Variants in SBF2 observed in about 807,000 individuals in gnomAD.
SBF2 encodes the protein SET binding factor 2.
In SBF2, 112 loss-of-function variants were observed where a neutral mutation model predicts 225.2. That is an observed-to-expected ratio of 0.50 (90% confidence interval 0.43 to 0.58). The LOEUF (loss-of-function observed/expected upper bound fraction) is 0.58, where lower values mean the gene tolerates loss of function less well. SBF2 is among the 20% of genes least tolerant of loss of function. The probability of loss-of-function intolerance (pLI) is 0.00; values close to 1 mark genes in which losing one functional copy is unlikely to be tolerated. For synonymous variants in SBF2, 763 were observed against 773.3 expected (o/e 0.99, Z 0.22); for missense variants, 1,996 against 2,206.2 (o/e 0.90, Z 1.91).
At chr11:9,989,452 A>G (rs1421612772) in intron 13 of SBF2, 45 bp downstream of exon 13, 1 of 1,233,026 alleles carries the variant, frequency 8.1e-7, no homozygotes, top group Admixed American at 1.8e-5. Flanking sequence ...AAAAATAAAT[A>G]AATAAATAAA....
At chr11:10,005,907 TGCTGATGTACGGTA>T (rs1367973543) in intron 6 of SBF2, among the ~76,000 whole-genome samples, 3 of 152,156 alleles carry the variant, frequency 2.0e-5, no homozygotes, top group African/African-American at 7.2e-5. Flanking sequence ...TCTCAGCTCC[TGCTGATGTACGGTA>T]GCTCACAGGG....
At chr11:9,805,692 A>G (rs533562273) in intron 32 of SBF2, among the ~76,000 whole-genome samples, 4 of 151,832 alleles carry the variant, frequency 2.6e-5, no homozygotes, top group Admixed American at 2.0e-4. Context: ...GGGGCTTCTC[A>G]GCTCAATGCA....
chr11:10,203,851 C>CA (rs1177926482), intron 1 of SBF2, among the ~76,000 whole-genome samples: 5 of 151,380 alleles, frequency 3.3e-5, no homozygotes, highest in South Asian at 4.2e-4. Context: ...GGGAAAAAGA[C>CA]AAAAAAACAA....
chr11:10,016,173 A>G (rs1948644541), intron 6 of SBF2, among the ~76,000 whole-genome samples: 1 of 152,206 alleles, frequency 6.6e-6, no homozygotes, highest in South Asian at 2.1e-4. Flanking sequence ...CATAATCAGT[A>G]TCATTTAGTA....
chr11:9,833,362 C>G (rs898046508), intron 26 of SBF2, among the ~76,000 whole-genome samples: 2 of 150,766 alleles, frequency 1.3e-5, no homozygotes, highest in African/African-American at 4.9e-5. Context: ...AAATATTACA[C>G]AAAACAGATT....
chr11:10,299,284 G>T (rs1038068037), intron 1 of SBF2, among the ~76,000 whole-genome samples: 1 of 145,024 alleles, frequency 6.9e-6, no homozygotes, highest in Non-Finnish European at 1.5e-5. Context: ...CTTGCAGTGG[G>T]TCGAGATGGC....
chr11:9,791,187 A>T (rs563792846), intron 33 of SBF2: 3 of 153,260 alleles, frequency 2.0e-5, no homozygotes, highest in Non-Finnish European at 4.4e-5. Context: ...AGATGACAGA[A>T]GCGTGTAGTC....
chr11:10,191,800 A>T (rs1469097148), intron 2 of SBF2, among the ~76,000 whole-genome samples: 1 of 152,206 alleles, frequency 6.6e-6, no homozygotes, highest in Non-Finnish European at 1.5e-5. Flanking sequence ...TAAAATCAGT[A>T]TGTTTCTCTC....
intron 17 of SBF2, among the ~76,000 whole-genome samples, chr11:9,885,693 C>T (rs11042526): frequency 0.21 from 31,159 of 151,732 alleles, 4,090 homozygotes; most frequent in Non-Finnish European, 0.3. Flanking sequence ...TATTTTTTTT[C>T]TGGAAGATGA....
chr11:10,281,112 G>T (rs961880703), intron 1 of SBF2, among the ~76,000 whole-genome samples: 1 of 152,016 alleles, frequency 6.6e-6, no homozygotes, highest in African/African-American at 2.4e-5. Context: ...GTTTAAACAT[G>T]TAAGATTATA....
At chr11:10,205,196 C>T (rs1486227757) in intron 1 of SBF2, among the ~76,000 whole-genome samples, 1 of 147,478 alleles carries the variant, frequency 6.8e-6, no homozygotes, top group African/African-American at 2.4e-5. Context: ...AATAAATAAA[C>T]AAATAAATAA....
intron 2 of SBF2, among the ~76,000 whole-genome samples, chr11:10,057,353 T>C (rs1218586513): frequency 2.6e-5 from 4 of 152,172 alleles, no homozygotes; most frequent in Admixed American, 1.3e-4. Context: ...ACTGCCCTTG[T>C]CACCCTTGGA....
chr11:9,903,443 G>A (rs1161080739), intron 16 of SBF2, among the ~76,000 whole-genome samples: 1 of 152,196 alleles, frequency 6.6e-6, no homozygotes, highest in African/African-American at 2.4e-5. Flanking sequence ...TACCAGTCAA[G>A]GTATCCAAGG....
chr11:9,839,493 C>T lies in SBF2; in HGVS notation c.3455+5G>A, dbSNP rs1299938847. 3 of 1,613,902 alleles carry T rather than the reference C, an allele frequency of 1.9e-6. No homozygotes were observed. The highest frequency in any genetic ancestry group is 2.5e-6 in the Non-Finnish European group (3 of 1,179,874). Reference sequence around the variant, plus strand: ...CCTCTTTTTGGAGCCCACTGACACACTTACCTCCGGCAGAGTGAATACATC... The same window carrying T: ...CCTCTTTTTGGAGCCCACTGACACATTTACCTCCGGCAGAGTGAATACATC... On this transcript the variant is annotated splice_donor_5th_base_variant and intron_variant, in intron 26 of 39. Coordinates refer to ENST00000256190, the MANE Select transcript of SBF2 (RefSeq NM_030962.4).
At chr11:9,793,749 T>TTAA (rs1460210476) in intron 33 of SBF2, among the ~76,000 whole-genome samples, 2 of 152,136 alleles carry the variant, frequency 1.3e-5, no homozygotes, top group African/African-American at 2.4e-5. Flanking sequence ...AGATTCTGAT[T>TTAA]TAAGTGGTTG....
chr11:10,086,799 T>C (rs112583312), intron 2 of SBF2, among the ~76,000 whole-genome samples: 2,005 of 152,322 alleles, frequency 0.013, 20 homozygotes, highest in Non-Finnish European at 0.02. Context: ...AATTGAAGCA[T>C]AGCCCTTTGG....
At chr11:10,244,453 T>C (rs1393261641) in intron 1 of SBF2, among the ~76,000 whole-genome samples, 2 of 152,252 alleles carry the variant, frequency 1.3e-5, no homozygotes, top group African/African-American at 4.8e-5. Context: ...CTAGGTACTC[T>C]ATTCTGCTCC....
intron 2 of SBF2, among the ~76,000 whole-genome samples, chr11:10,131,483 G>C (rs1954050470): frequency 6.6e-6 from 1 of 152,140 alleles, no homozygotes; most frequent in Admixed American, 6.5e-5. Context: ...GCCCAGGCTG[G>C]AGTGCAATGC....
chr11:10,270,551 A>G (rs1300578402), intron 1 of SBF2, among the ~76,000 whole-genome samples: 1 of 152,186 alleles, frequency 6.6e-6, no homozygotes, highest in Non-Finnish European at 1.5e-5. Context: ...GAGGCAGAAA[A>G]AAATGTGTAT....
Sources: gnomAD v4.1 joint callset for allele counts (sites outside exome capture counted in the v4.1 genomes callset) on GRCh38, gnomAD v4.1.1 for gene constraint, MANE v1.5 for transcripts, NCBI Gene and HGNC (gene_info 2026-07-23, HGNC 2026-07-21) for gene names.